GON4L: variants seen among roughly 807,000 people sequenced by gnomAD.
GON4L encodes GON-4-like protein.
Under a neutral mutation model 211.8 loss-of-function variants are expected in GON4L, and 87 were observed. That is an observed-to-expected ratio of 0.41 (90% confidence interval 0.35 to 0.49). The LOEUF is 0.49. Among genes scored for constraint, GON4L ranks in the 20% least tolerant of loss-of-function variants. The probability of loss-of-function intolerance (pLI) is 0.15; values close to 1 mark genes in which losing one functional copy is unlikely to be tolerated. For missense variants in GON4L, 2,155 were observed against 2,659.5 expected, an observed-to-expected ratio of 0.81 and a Z score of 4.17; for synonymous variants, 875 against 962.6, an observed-to-expected ratio of 0.91 and a Z score of 1.68.
chr1:155,852,095 G>A (rs1671846084), intron 2 of GON4L, among the ~76,000 whole-genome samples: 1 of 149,412 alleles, frequency 6.7e-6, no homozygotes, highest in Non-Finnish European at 1.5e-5. Flanking sequence ...AACATGGGAG[G>A]TGGAGGTTGC....
chr1:155,794,924 T>C (rs1188123475), intron 12 of GON4L, 126 bp downstream of exon 12: 1 of 701,716 alleles, frequency 1.4e-6, no homozygotes, highest in Non-Finnish European at 2.6e-6. Flanking sequence ...GATCAATAAA[T>C]GGGTAAAGGA....
At chr1:155,786,928 G>A (rs1389858780) in intron 12 of GON4L, among the ~76,000 whole-genome samples, 2 of 143,706 alleles carry the variant, frequency 1.4e-5, no homozygotes, top group East Asian at 2.0e-4. Flanking sequence ...GAGTTTTTTC[G>A]TTTTTTTTTT....
At chr1:155,788,559 C>T (rs1665188604) in intron 12 of GON4L, among the ~76,000 whole-genome samples, 1 of 152,228 alleles carries the variant, frequency 6.6e-6, no homozygotes, top group Admixed American at 6.5e-5. Context: ...TTCAGCGCAG[C>T]TTTATTCGTT....
chr1:155,830,752 AATTTT>A (rs1669685829), intron 2 of GON4L, among the ~76,000 whole-genome samples: 1 of 151,608 alleles, frequency 6.6e-6, no homozygotes, highest in Non-Finnish European at 1.5e-5. Context: ...ATGCCCAGCT[AATTTT>A]ATTTTATTTT....
At chr1:155,785,069 T>C in intron 13 of GON4L, 1 of 499,164 alleles carries the variant, frequency 2.0e-6, no homozygotes, top group Admixed American at 2.6e-5. Flanking sequence ...CACTGCACTC[T>C]GGCTTGGGTG....
intron 10 of GON4L, among the ~76,000 whole-genome samples, chr1:155,812,212 G>C (rs1667855924): frequency 6.6e-6 from 1 of 152,128 alleles, no homozygotes; most frequent in Non-Finnish European, 1.5e-5. Context: ...CGTGCCTTCT[G>C]ATATGATGCA....
intron 12 of GON4L, among the ~76,000 whole-genome samples, chr1:155,786,339 T>C (rs1342945801): frequency 1.3e-5 from 2 of 152,058 alleles, no homozygotes; most frequent in Admixed American, 1.3e-4. Flanking sequence ...ATGAGTCTCC[T>C]AGCCTGGGCA....
chr1:155,745,835 G>T (rs1377038867), downstream of GON4L: 1 of 663,996 alleles, frequency 1.5e-6, no homozygotes, highest in African/African-American at 1.8e-5. Context: ...CAGTATGGCG[G>T]GCGGGGCCCG....
chr1:155,831,623 G>GT (rs1222700381), intron 2 of GON4L: 2 of 151,586 alleles, frequency 1.3e-5, no homozygotes, highest in African/African-American at 4.8e-5. Context: ...GACCTCACCT[G>GT]TTAAACAAAC....
At chr1:155,830,898 A>T (rs1271143840) in intron 2 of GON4L, among the ~76,000 whole-genome samples, 2 of 152,134 alleles carry the variant, frequency 1.3e-5, no homozygotes, top group Admixed American at 1.3e-4. Flanking sequence ...AATATTTTTT[A>T]AGTAGTAAAA....
At chr1:155,836,211 T>C (rs982570845) in intron 2 of GON4L, among the ~76,000 whole-genome samples, 7 of 151,148 alleles carry the variant, frequency 4.6e-5, no homozygotes, top group South Asian at 4.2e-4. Context: ...AAAAGATGAG[T>C]GTCCCCTTTG....
intron 23 of GON4L, 105 bp from the exon 24 acceptor site, chr1:155,760,746 TATCC>T: frequency 1.3e-6 from 1 of 745,206 alleles, no homozygotes; most frequent in Non-Finnish European, 2.3e-6. Flanking sequence ...CTCCAAGAAT[TATCC>T]ATCAGAGGCT....
chr1:155,767,830 C>T (rs1038671049), intron 19 of GON4L, among the ~76,000 whole-genome samples: 1 of 152,136 alleles, frequency 6.6e-6, no homozygotes, highest in Non-Finnish European at 1.5e-5. Context: ...GTTTAGGTCA[C>T]AGAGAGAAAA....
chr1:155,857,981 T>C (rs1557942861), upstream of GON4L, among the ~76,000 whole-genome samples: 1 of 152,204 alleles, frequency 6.6e-6, no homozygotes, highest in Non-Finnish European at 1.5e-5. Flanking sequence ...ACTGTAAGAT[T>C]ATTATATCAT....
At position 155,835,463 on chromosome 1, in the gene GON4L, T is replaced by C. The variant is rs551150391; in HGVS notation, c.506-8435A>G. On this transcript the variant is annotated intron_variant, in intron 2 of 31. Transcript: ENST00000368331. ...CGAGAAACACCCAAGAATGATCAAT[T>C]AAAAAAAAAAAAAAATCTGCCCCTT... Among the ~76,000 whole-genome samples the C allele has an allele frequency of 1.9e-3, 266 of 139,716 alleles. 1 individual carries two copies. The highest frequency in any genetic ancestry group is 6.0e-3 in the African/African-American group (230 of 38,102). 91.7% of individuals were successfully genotyped at this position (139,716 alleles called of 152,430 possible).
At chr1:155,854,444 C>T (rs950567933) in intron 1 of GON4L, among the ~76,000 whole-genome samples, 2 of 152,138 alleles carry the variant, frequency 1.3e-5, no homozygotes, top group Non-Finnish European at 2.9e-5. Context: ...CGTGAGCCAC[C>T]GCGTCCAGCA....
chr1:155,813,903 C>T, intron 9 of GON4L, 99 bp from the exon 10 acceptor site: 1 of 891,362 alleles, frequency 1.1e-6, no homozygotes, highest in Non-Finnish European at 1.8e-6. Context: ...GGCAGACTTT[C>T]CATACACCAT....
In GON4L at chr1:155,752,090, A is replaced by C; in HGVS notation, c.6343T>G (p.Leu2115Val). The C allele has an allele frequency of 6.2e-7, 1 of 1,613,656 alleles. No homozygotes were observed. The highest frequency in any genetic ancestry group is 8.5e-7 in the Non-Finnish European group (1 of 1,179,704). ...GCCTGTGTTCCACTGTCTTTAGCCA[A>C]ACCCCCTCTAGGGGCTTTGGGAGAA... ...ETSPKAPRGG[L>V]AKDSGTQAKG... The change falls in exon 30 of 32, where the codon TTG becomes GTG. Residue 2115 changes from leucine (L) to valine (V), a missense_variant. By Grantham distance (32) the Leu-to-Val change is conservative. This residue lies in a region of GON4L where 186 missense variants were observed against 308.1 expected (regional missense o/e 0.60). Coordinates refer to ENST00000368331, the MANE Select transcript of GON4L (RefSeq NM_001282860.2).
At chr1:155,784,996 G>A in intron 13 of GON4L, 3 of 378,878 alleles carry the variant, frequency 7.9e-6, no homozygotes, top group South Asian at 6.4e-5. Flanking sequence ...AGCTACTCAG[G>A]AGGCTTAGAC....
Sources: allele counts gnomAD v4.1 joint callset (sites outside exome capture counted in the v4.1 genomes callset), GRCh38; gene constraint gnomAD v4.1.1; regional missense constraint gnomAD v4.1.1; transcripts MANE v1.5; gene names NCBI Gene and HGNC (gene_info 2026-07-23, HGNC 2026-07-21).